Variants in LINGO2 observed in about 807,000 individuals in gnomAD.
LINGO2 encodes leucine rich repeat and Ig domain containing 2.
A neutral mutation model predicts 30.6 loss-of-function variants in LINGO2; 14 were observed. The observed-to-expected ratio is 0.46, with a 90% CI of 0.30 to 0.72. The LOEUF is 0.72. Ranked by LOEUF, LINGO2 falls within the 30% of genes least tolerant of loss-of-function variation. LINGO2 has a pLI of 0.07. For missense variants in LINGO2, 729 were observed against 751.7 expected, an observed-to-expected ratio of 0.97 and a Z score of 0.35; for synonymous variants, 317 against 288.5, an observed-to-expected ratio of 1.10 and a Z score of -1.00.
the LINGO2 span, among the ~76,000 whole-genome samples, chr9:29,158,512 A>C: frequency 6.6e-6 from 1 of 152,048 alleles, no homozygotes; most frequent in Admixed American, 6.5e-5. Context: ...AGTAGAACAT[A>C]AAATAATATG....
chr9:28,266,626 C>T (rs749042052), intron 4 of LINGO2, among the ~76,000 whole-genome samples: 19 of 152,002 alleles, frequency 1.2e-4, no homozygotes, highest in Non-Finnish European at 2.5e-4. Context: ...TGGATTATCT[C>T]ATTTTTTTCC....
the LINGO2 span, among the ~76,000 whole-genome samples, chr9:28,993,759 C>CA: frequency 0.19 from 28,346 of 150,396 alleles, 2,927 homozygotes; most frequent in East Asian, 0.28. Flanking sequence ...GAACCAAAGA[C>CA]AAAAACCACA....
chr9:28,467,042 G>C (rs1046815370), intron 2 of LINGO2, among the ~76,000 whole-genome samples: 3 of 150,304 alleles, frequency 2.0e-5, no homozygotes, highest in East Asian at 2.0e-4. Flanking sequence ...TTTTGGGGGG[G>C]GGGGACGGAG....
intron 1 of LINGO2, among the ~76,000 whole-genome samples, chr9:28,594,287 T>C (rs1244280179): frequency 6.6e-6 from 1 of 152,078 alleles, no homozygotes; most frequent in Non-Finnish European, 1.5e-5. Context: ...CCAACTCATA[T>C]TTAACGTAAT....
intron 2 of LINGO2, among the ~76,000 whole-genome samples, chr9:28,385,225 A>G (rs1428492180): frequency 6.6e-6 from 1 of 152,142 alleles, no homozygotes; most frequent in Non-Finnish European, 1.5e-5. Flanking sequence ...TTCAGTGTTT[A>G]TAATCTCTAT....
the LINGO2 span, among the ~76,000 whole-genome samples, chr9:28,990,135 T>G: frequency 6.6e-6 from 1 of 152,036 alleles, no homozygotes; most frequent in South Asian, 2.1e-4. Context: ...TTCCCTTTCC[T>G]AGTCAAAGAA....
At chr9:27,938,734 A>T in the LINGO2 span, 1 of 152,218 alleles carries the variant, frequency 6.6e-6, no homozygotes, top group African/African-American at 2.4e-5. Flanking sequence ...TAATGTGGAG[A>T]AACACAGAGC....
At chr9:28,787,184 G>A in the LINGO2 span, among the ~76,000 whole-genome samples, 140 of 152,288 alleles carry the variant, frequency 9.2e-4, no homozygotes, top group Non-Finnish European at 1.3e-3. Context: ...AGGACTAGGG[G>A]AGGGGAATAA....
intron 1 of LINGO2, among the ~76,000 whole-genome samples, chr9:28,540,774 A>C (rs1821657893): frequency 6.6e-6 from 1 of 152,186 alleles, no homozygotes; most frequent in Non-Finnish European, 1.5e-5. Context: ...ACACTATAGA[A>C]GATTAGATGT....
chr9:28,672,719 T>C (rs1489470453), upstream of LINGO2, among the ~76,000 whole-genome samples: 4 of 152,144 alleles, frequency 2.6e-5, no homozygotes, highest in African/African-American at 9.7e-5. Context: ...GATCTATTTG[T>C]TTGAAATGTG....
chr9:29,077,731 G>C, the LINGO2 span, among the ~76,000 whole-genome samples: 12 of 152,030 alleles, frequency 7.9e-5, no homozygotes, highest in African/African-American at 2.7e-4. Flanking sequence ...GGGCTTTTAA[G>C]AGCAGATGAA....
intron 1 of LINGO2, among the ~76,000 whole-genome samples, chr9:28,519,942 A>G (rs569212109): frequency 1.3e-5 from 2 of 152,306 alleles, no homozygotes; most frequent in African/African-American, 4.8e-5. Flanking sequence ...ACTTTCATAT[A>G]CAAAGTGAGG....
chr9:28,104,271 T>TTG (rs1554673662), intron 4 of LINGO2, among the ~76,000 whole-genome samples: 5 of 146,676 alleles, frequency 3.4e-5, no homozygotes, highest in African/African-American at 1.2e-4. Flanking sequence ...TGTTTGTTTT[T>TTG]TTTTTTTTTT....
chr9:28,739,480 AT>A, the LINGO2 span, among the ~76,000 whole-genome samples: 1 of 152,098 alleles, frequency 6.6e-6, no homozygotes, highest in South Asian at 2.1e-4. Flanking sequence ...AAGTGTAAAC[AT>A]TTATTAAAAC....
At chr9:28,972,805 G>A in the LINGO2 span, among the ~76,000 whole-genome samples, 1 of 152,226 alleles carries the variant, frequency 6.6e-6, no homozygotes, top group Admixed American at 6.5e-5. Context: ...CACGTGCAGA[G>A]GAACCACTCT....
At chr9:28,032,840 G>C (rs1017502443) in intron 4 of LINGO2, among the ~76,000 whole-genome samples, 1 of 152,162 alleles carries the variant, frequency 6.6e-6, no homozygotes, top group Non-Finnish European at 1.5e-5. Context: ...CCACATCAGG[G>C]AAACACTGTA....
chr9:28,572,012 T>C (rs868708495), intron 1 of LINGO2, among the ~76,000 whole-genome samples: 1 of 152,058 alleles, frequency 6.6e-6, no homozygotes, highest in South Asian at 2.1e-4. Context: ...GGTCCTCACA[T>C]GTGACTTGAA....
chr9:28,309,964 C>T (rs1206814500), intron 3 of LINGO2, among the ~76,000 whole-genome samples: 2 of 152,020 alleles, frequency 1.3e-5, no homozygotes, highest in South Asian at 2.1e-4. Flanking sequence ...TATTGCCACA[C>T]AGCTATTAAA....
intron 4 of LINGO2, among the ~76,000 whole-genome samples, chr9:28,099,691 G>C (rs1826353312): frequency 6.6e-6 from 1 of 152,164 alleles, no homozygotes; most frequent in African/African-American, 2.4e-5. Flanking sequence ...GATAATATTA[G>C]TCTTTAACAC....
Sources: gnomAD v4.1 joint callset for allele counts (sites outside exome capture counted in the v4.1 genomes callset) on GRCh38, gnomAD v4.1.1 for gene constraint, MANE v1.5 for transcripts, NCBI Gene and HGNC (gene_info 2026-07-23, HGNC 2026-07-21) for gene names.